SEPTIN9: variants seen among roughly 807,000 people sequenced by gnomAD.
SEPTIN9 encodes septin 9.
SEPTIN9 carries 13 observed loss-of-function variants against 56.6 expected under a neutral mutation model. That is an observed-to-expected ratio of 0.23 (90% CI 0.15 to 0.37). The LOEUF (loss-of-function observed/expected upper bound fraction) is 0.37, where lower values mean the gene tolerates loss of function less well. Among genes scored for constraint, SEPTIN9 ranks in the 10% least tolerant of loss-of-function variants. The pLI is 1.00. For missense variants in SEPTIN9, 650 were observed against 823.1 expected (o/e 0.79, Z 2.57); for synonymous variants, 332 against 334.1 (o/e 0.99, Z 0.07).
At chr17:77,311,338 C>T (rs1316153435) in intron 2 of SEPTIN9, among the ~76,000 whole-genome samples, 1 of 151,806 alleles carries the variant, frequency 6.6e-6, no homozygotes, top group East Asian at 1.9e-4. Context: ...TCAAGCCCCA[C>T]AGCTGTGGTC....
At chr17:77,306,960 C>T (rs1359208830) in intron 1 of SEPTIN9, among the ~76,000 whole-genome samples, 181 bp from the exon 2 acceptor site, 3 of 152,240 alleles carry the variant, frequency 2.0e-5, no homozygotes, top group Non-Finnish European at 4.4e-5. Flanking sequence ...CAGTGGCTGT[C>T]ATCCCTCCAG....
intron 3 of SEPTIN9, among the ~76,000 whole-genome samples, chr17:77,412,232 C>T (rs776535470): frequency 2.0e-5 from 3 of 152,004 alleles, no homozygotes; most frequent in Non-Finnish European, 4.4e-5. Context: ...ACCTGCTCAG[C>T]TGTCTGCTGG....
intron 3 of SEPTIN9, among the ~76,000 whole-genome samples, chr17:77,426,606 G>A (rs1341951963): frequency 6.6e-6 from 1 of 152,160 alleles, no homozygotes; most frequent in Admixed American, 6.5e-5. Flanking sequence ...ATATTCACTT[G>A]TTCCCTCCTG....
chr17:77,340,119 G>A (rs958820353), intron 2 of SEPTIN9, among the ~76,000 whole-genome samples: 3 of 151,620 alleles, frequency 2.0e-5, no homozygotes, highest in African/African-American at 7.3e-5. Context: ...GTGAGCCACC[G>A]TGCTTGGCCC....
rs938779528 is a variant in SEPTIN9, at chr17:77,330,897, T to C, written c.76+23700T>C. On this transcript the variant is annotated intron_variant, in intron 2 of 11. Transcript: ENST00000427177. This position sits in a 1 kb window ranked among gnomAD's most constrained non-coding sequence, Gnocchi z 4.4. ...TCAGTCTGGGCTTGGTCTCCCGCAATTCACCCTGCCCAGCCCCACACAGCT... is the reference window on the plus strand; with the variant it reads ...TCAGTCTGGGCTTGGTCTCCCGCAACTCACCCTGCCCAGCCCCACACAGCT... Among the ~76,000 whole-genome samples, 1 of 152,184 alleles carries C rather than the reference T, an allele frequency of 6.6e-6. No homozygotes were observed. The highest frequency in any genetic ancestry group is 1.5e-5 in the Non-Finnish European group (1 of 68,028).
At chr17:77,338,443 G>C (rs542689086) in intron 2 of SEPTIN9, among the ~76,000 whole-genome samples, 1 of 151,694 alleles carries the variant, frequency 6.6e-6, no homozygotes, top group Non-Finnish European at 1.5e-5. Context: ...TTTTGAGACA[G>C]AGTCTTGCTC....
intron 2 of SEPTIN9, among the ~76,000 whole-genome samples, chr17:77,337,726 C>T (rs959996383): frequency 6.6e-6 from 1 of 152,100 alleles, no homozygotes; most frequent in Non-Finnish European, 1.5e-5. Context: ...CCTTGTCTTA[C>T]TTTTGGTAAG....
At position 77,435,397 on chromosome 17, in the gene SEPTIN9, C is replaced by T. The variant is rs1326539078; in HGVS notation, c.721+32694C>T. Among the ~76,000 whole-genome samples, 10 of 152,214 alleles carry T rather than the reference C, an allele frequency of 6.6e-5. No homozygotes were observed. Among genetic ancestry groups the T allele is most frequent in the Non-Finnish European group, 1.3e-4 (9 of 68,028 alleles). ...TGTGGCTTCTTGAGGTGGCTCACCC[C>T]TAAACACGCCCCCCATGGTGGCTCT... On this transcript the variant is annotated intron_variant, in intron 3 of 11. Transcript: ENST00000427177. The surrounding 1 kb of genome is among the most constrained non-coding windows in gnomAD (Gnocchi z 4.5).
chr17:77,314,043 T>C (rs539002181), intron 2 of SEPTIN9, among the ~76,000 whole-genome samples: 30 of 151,996 alleles, frequency 2.0e-4, no homozygotes, highest in Admixed American at 1.9e-3. Context: ...TGACTAAAAA[T>C]ACAAAAAGTT....
intron 1 of SEPTIN9, among the ~76,000 whole-genome samples, chr17:77,304,869 G>A (rs756253991): frequency 6.6e-6 from 1 of 152,176 alleles, no homozygotes; most frequent in Non-Finnish European, 1.5e-5. Context: ...TGAAGGGGGT[G>A]CTCATGGCCA....
chr17:77,348,597 G>T (rs2033963831), intron 2 of SEPTIN9, among the ~76,000 whole-genome samples: 1 of 152,110 alleles, frequency 6.6e-6, no homozygotes, highest in African/African-American at 2.4e-5. Flanking sequence ...ACTGAGCCCG[G>T]CCTGTTTTGA....
Position 77,490,982 on chromosome 17 carries a change from C to T in SEPTIN9, c.1380+123C>T, listed in dbSNP as rs1363509545. ...GGGAGACCGAACCGCTGGTCACTCTCCCCAGCGGGTGGCTGGCCTGGTGGT... is the reference window on the plus strand; with the variant it reads ...GGGAGACCGAACCGCTGGTCACTCTTCCCAGCGGGTGGCTGGCCTGGTGGT... On this transcript the variant is annotated intron_variant, in intron 8 of 11. Transcript: ENST00000427177. The T allele has an allele frequency of 6.3e-6, 5 of 797,132 alleles. No homozygotes were observed. The African/African-American group carries it at 6.8e-5, about 11-fold the overall frequency. The allele number at this position is 797,132 out of a possible 1,614,324, so 49.4% of individuals were successfully genotyped here. A position where few individuals can be genotyped will look rare whatever the true frequency, so the allele number is the denominator to read the frequency against.
intron 3 of SEPTIN9, among the ~76,000 whole-genome samples, chr17:77,412,308 C>T (rs1421440805): frequency 6.6e-6 from 1 of 152,136 alleles, no homozygotes; most frequent in African/African-American, 2.4e-5. Context: ...GGGCCAAATG[C>T]TCTCCAATTG....
intron 11 of SEPTIN9, chr17:77,497,729 C>T (rs2040332400): frequency 2.6e-6 from 1 of 385,760 alleles, no homozygotes; most frequent in East Asian, 5.5e-5. Context: ...ATCCCACTGG[C>T]CTCTGACCCC....
intron 2 of SEPTIN9, among the ~76,000 whole-genome samples, chr17:77,384,736 A>C (rs559440225): frequency 1.3e-4 from 20 of 152,104 alleles, no homozygotes; most frequent in Admixed American, 1.3e-4. Flanking sequence ...AGAACATCAG[A>C]ACTACAGAGG....
chr17:77,290,389 C>T (rs1300624219), intron 1 of SEPTIN9, among the ~76,000 whole-genome samples: 1 of 151,754 alleles, frequency 6.6e-6, no homozygotes, highest in South Asian at 2.1e-4. Context: ...TCCCGCATAG[C>T]TGGGACTACA....
chr17:77,381,937 G>A lies in SEPTIN9; in HGVS notation c.77-20122G>A, dbSNP rs1283649463. Among the ~76,000 whole-genome samples, 3 of 152,336 alleles carry A rather than the reference G, an allele frequency of 2.0e-5. No homozygotes were observed. In the East Asian group the frequency reaches 5.8e-4, roughly 29 times the overall value. ...GAACGGGAGGGCTTCCTGGAGGAAG[G>A]CTTCCTAACCAGAGACCGGGGTAGG... On this transcript the variant is annotated intron_variant, in intron 2 of 11. Transcript: ENST00000427177.
intron 3 of SEPTIN9, among the ~76,000 whole-genome samples, chr17:77,419,015 GCCTGAAGCCTTAGGCAC>G (rs2036601685): frequency 6.6e-6 from 1 of 152,216 alleles, no homozygotes; most frequent in African/African-American, 2.4e-5. Flanking sequence ...CCAAAGCCCA[GCCTGAAGCCTTAGGCAC>G]CCTACAACCT....
At chr17:77,294,584 T>G (rs1051286206) in intron 1 of SEPTIN9, 1 of 120,714 alleles carries the variant, frequency 8.3e-6, no homozygotes, top group Non-Finnish European at 1.9e-5. Flanking sequence ...AAATCCTGTT[T>G]TTTTCTTTTT....
Sources: gnomAD v4.1 joint callset for allele counts (sites outside exome capture counted in the v4.1 genomes callset) on GRCh38, gnomAD v4.1.1 for gene constraint, Gnocchi (gnomAD v3.1) non-coding constraint, MANE v1.5 for transcripts, NCBI Gene and HGNC (gene_info 2026-07-23, HGNC 2026-07-21) for gene names.